GRID2: variants seen among roughly 807,000 people sequenced by gnomAD.
The protein encoded by GRID2 is glutamate receptor ionotropic, delta-2.
Under a neutral mutation model 114.8 loss-of-function variants are expected in GRID2, and 33 were observed. The observed-to-expected ratio is 0.29, with a 90% CI of 0.22 to 0.38. The LOEUF is 0.38. Ranked by LOEUF, GRID2 falls within the 10% of genes least tolerant of loss-of-function variation. The pLI is 1.00. For synonymous variants in GRID2, 505 were observed against 449.9 expected, an observed-to-expected ratio of 1.12 and a Z score of -1.55; for missense variants, 1,184 against 1,257.7, an observed-to-expected ratio of 0.94 and a Z score of 0.89.
intron 2 of GRID2, among the ~76,000 whole-genome samples, chr4:92,693,567 T>A (rs62310191): frequency 0.064 from 9,707 of 152,304 alleles, 401 homozygotes; most frequent in East Asian, 0.089. Context: ...AACACAGTAC[T>A]GTGAGATGAA....
chr4:92,694,360 G>A (rs1320031735), intron 2 of GRID2, among the ~76,000 whole-genome samples: 3 of 152,118 alleles, frequency 2.0e-5, no homozygotes, highest in African/African-American at 7.2e-5. Context: ...AGGAAGATGG[G>A]AGAAAGCCAC....
chr4:93,108,900 A>C (rs1210610084), intron 3 of GRID2, among the ~76,000 whole-genome samples: 1 of 152,120 alleles, frequency 6.6e-6, no homozygotes, highest in Non-Finnish European at 1.5e-5. Flanking sequence ...AAGTCCTGGG[A>C]TTACAGGTGT....
intron 2 of GRID2, chr4:92,822,513 G>T (rs914065441): frequency 2.7e-5 from 10 of 372,178 alleles, no homozygotes; most frequent in African/African-American, 4.2e-5. Flanking sequence ...CAGTGTATTT[G>T]TATATACTCA....
chr4:92,369,378 T>C (rs1052860860), intron 1 of GRID2, among the ~76,000 whole-genome samples: 1 of 152,122 alleles, frequency 6.6e-6, no homozygotes, highest in Non-Finnish European at 1.5e-5. Flanking sequence ...TCATAACCAA[T>C]TCAATTGTTA....
At chr4:93,053,434 T>C (rs1051045009) in intron 2 of GRID2, among the ~76,000 whole-genome samples, 3 of 151,944 alleles carry the variant, frequency 2.0e-5, no homozygotes, top group African/African-American at 7.2e-5. Context: ...CACATGTTGG[T>C]GTTCGTAGGC....
chr4:93,628,557 C>T (rs922009017), intron 14 of GRID2, among the ~76,000 whole-genome samples: 1 of 151,980 alleles, frequency 6.6e-6, no homozygotes, highest in Non-Finnish European at 1.5e-5. Flanking sequence ...AGAAACACAC[C>T]ACTGCTTTTA....
chr4:92,599,224 G>C (rs1311230290), intron 2 of GRID2, among the ~76,000 whole-genome samples: 1 of 151,986 alleles, frequency 6.6e-6, no homozygotes, highest in Non-Finnish European at 1.5e-5. Context: ...GTAGAGAAAG[G>C]CCATGGAGGC....
intron 2 of GRID2, among the ~76,000 whole-genome samples, chr4:92,934,334 T>C (rs896326342): frequency 1.3e-5 from 2 of 151,822 alleles, no homozygotes; most frequent in Non-Finnish European, 2.9e-5. Context: ...GCTCTCTGTC[T>C]GTTATTGGTG....
chr4:92,658,559 G>T (rs1732359046), intron 2 of GRID2, among the ~76,000 whole-genome samples: 1 of 151,614 alleles, frequency 6.6e-6, no homozygotes, highest in Non-Finnish European at 1.5e-5. Context: ...ATTTTCTTTG[G>T]TGAAAGGTCC....
intron 13 of GRID2, among the ~76,000 whole-genome samples, chr4:93,557,086 A>G (rs1210279335): frequency 6.6e-6 from 1 of 152,202 alleles, no homozygotes; most frequent in Non-Finnish European, 1.5e-5. Flanking sequence ...GAGCTCCTGA[A>G]GGAAGCACTA....
intron 1 of GRID2, among the ~76,000 whole-genome samples, chr4:92,390,120 C>A (rs1264585558): frequency 2.0e-5 from 3 of 152,012 alleles, no homozygotes; most frequent in African/African-American, 7.2e-5. Context: ...TTGACTACAG[C>A]ATGACTGTTT....
At chr4:92,842,086 A>T (rs960832955) in intron 2 of GRID2, among the ~76,000 whole-genome samples, 1 of 152,130 alleles carries the variant, frequency 6.6e-6, no homozygotes, top group Non-Finnish European at 1.5e-5. Flanking sequence ...TACGATGGTT[A>T]GATTTTTAAG....
rs1235021517 is a variant in GRID2 at position 92,384,383 on chromosome 4, A to G, written c.88+79639A>G. Among the ~76,000 whole-genome samples the G allele has an allele frequency of 3.3e-5, 4 of 120,808 alleles. No individual in the cohort carries two copies. In the South Asian group the frequency reaches 9.9e-4, roughly 30 times the overall value. 79.3% of individuals were successfully genotyped at this position (120,808 alleles called of 152,430 possible). ...ATTCTGTGAATCAGCCATTGTGGAT[A>G]ATGTCATATATACTAACAGAGGAAA... On this transcript the variant is annotated intron_variant, in intron 1 of 15. Transcript: ENST00000282020.
chr4:93,423,574 T>G (rs991261202), intron 10 of GRID2, among the ~76,000 whole-genome samples: 3 of 151,826 alleles, frequency 2.0e-5, no homozygotes, highest in African/African-American at 7.2e-5. Flanking sequence ...GACTATTGTT[T>G]TCTTTTTAAA....
chr4:93,463,889 T>A (rs1724006579), intron 11 of GRID2, among the ~76,000 whole-genome samples: 1 of 152,020 alleles, frequency 6.6e-6, no homozygotes, highest in African/African-American at 2.4e-5. Flanking sequence ...CTCGGGAGGC[T>A]GAGGCAGGAG....
chr4:92,503,513 G>A (rs908374360), intron 1 of GRID2, among the ~76,000 whole-genome samples: 3 of 152,020 alleles, frequency 2.0e-5, no homozygotes, highest in African/African-American at 7.2e-5. Flanking sequence ...ATTATTTGAA[G>A]TATGTGATTA....
At chr4:93,651,570 T>C (rs1336156924) in intron 14 of GRID2, among the ~76,000 whole-genome samples, 3 of 152,190 alleles carry the variant, frequency 2.0e-5, no homozygotes, top group Non-Finnish European at 4.4e-5. Flanking sequence ...ATATTCCCAC[T>C]TGTATGCCTA....
chr4:92,452,834 T>C (rs533397355), intron 1 of GRID2, among the ~76,000 whole-genome samples: 6 of 130,200 alleles, frequency 4.6e-5, no homozygotes, highest in Admixed American at 2.4e-4. Context: ...CATATATATA[T>C]ATTTACCATA....
chr4:93,525,778 AG>A (rs1396493853), intron 13 of GRID2, among the ~76,000 whole-genome samples: 8 of 152,300 alleles, frequency 5.3e-5, no homozygotes, highest in African/African-American at 1.9e-4. Context: ...CTATGTTGTT[AG>A]TCCTGACTTA....
Sources: gnomAD v4.1 joint callset for allele counts (sites outside exome capture counted in the v4.1 genomes callset) on GRCh38, gnomAD v4.1.1 for gene constraint, MANE v1.5 for transcripts, NCBI Gene and HGNC (gene_info 2026-07-23, HGNC 2026-07-21) for gene names.